The following ZNF652 variants were observed in gnomAD, a reference collection of about 807,000 sequenced individuals.
ZNF652 encodes the protein zinc finger protein 652.
A neutral mutation model predicts 45.2 loss-of-function variants in ZNF652; 16 were observed. That is an observed-to-expected ratio of 0.35 (90% CI 0.24 to 0.54). The LOEUF (loss-of-function observed/expected upper bound fraction) is 0.54, where lower values mean the gene tolerates loss of function less well. Ranked by LOEUF, ZNF652 falls within the 20% of genes least tolerant of loss-of-function variation. The pLI is 0.91. For missense variants in ZNF652, 614 were observed against 765.6 expected (o/e 0.80, Z 2.34); for synonymous variants, 250 against 260.6 (o/e 0.96, Z 0.39).
chr17:49,315,508 C>T (rs534053474), intron 2 of ZNF652, among the ~76,000 whole-genome samples: 11 of 150,382 alleles, frequency 7.3e-5, no homozygotes, highest in Non-Finnish European at 1.5e-4. Flanking sequence ...AGGAAAGTCA[C>T]ACACAAAAAG....
chr17:49,320,884 G>GCT (rs10660011), intron 1 of ZNF652, among the ~76,000 whole-genome samples: 76,058 of 150,948 alleles, frequency 0.5, 19,486 homozygotes, highest in South Asian at 0.65. Flanking sequence ...ACGGAGTCTC[G>GCT]CTGTCACCCA....
intron 1 of ZNF652, among the ~76,000 whole-genome samples, chr17:49,336,941 T>TG (rs2070089658): frequency 1.1e-5 from 1 of 91,614 alleles, no homozygotes; most frequent in Admixed American, 1.2e-4. Context: ...TTCTTAATGG[T>TG]GTTTTTTTTT....
chr17:49,348,459 C>G (rs1303462704), intron 1 of ZNF652, among the ~76,000 whole-genome samples: 1 of 133,134 alleles, frequency 7.5e-6, no homozygotes, highest in Non-Finnish European at 1.5e-5. Flanking sequence ...GGCTGGGTGA[C>G]AGAGCAAGAC....
At position 49,349,462 on chromosome 17, in the gene ZNF652, T is replaced by C. The variant is rs181185451; in HGVS notation, c.-259+12447A>G. ...TGAGTTTGGATGCCATGGTTTGCCATAGCAGGGATTCTTTGCATTGGTAAG... is the reference window on the plus strand; with the variant it reads ...TGAGTTTGGATGCCATGGTTTGCCACAGCAGGGATTCTTTGCATTGGTAAG... On this transcript the variant is annotated intron_variant, in intron 1 of 5. Coordinates refer to ENST00000430262, the MANE Select transcript of ZNF652 (RefSeq NM_001145365.3). Among the ~76,000 whole-genome samples, 269 of 152,312 alleles carry C rather than the reference T, an allele frequency of 1.8e-3. 1 individual carries two copies. The highest frequency in any genetic ancestry group is 5.8e-3 in the African/African-American group (241 of 41,584).
At chr17:49,320,511 T>C (rs1384120896) in intron 1 of ZNF652, among the ~76,000 whole-genome samples, 2 of 152,258 alleles carry the variant, frequency 1.3e-5, no homozygotes, top group South Asian at 2.1e-4. Flanking sequence ...CTATTTCTAC[T>C]ATGACAAATG....
intron 1 of ZNF652, among the ~76,000 whole-genome samples, chr17:49,332,007 G>A (rs2070030397): frequency 6.6e-6 from 1 of 151,516 alleles, no homozygotes; most frequent in African/African-American, 2.4e-5. Context: ...TAAAAGGCTG[G>A]GCATGGTGGC....
Position 49,290,797 on chromosome 17 carries a change from T to C in ZNF652, c.*7616A>G, listed in dbSNP as rs2069396013. ...GACTTTGTAATAAGGGAAAATTTCT[T>C]AAATAATCAAAATACATGAATAAGC... On this transcript the variant is annotated 3_prime_UTR_variant, in exon 6 of 6. Transcript: ENST00000430262. 1 of 152,214 alleles carries C rather than the reference T, an allele frequency of 6.6e-6. No individual in the cohort carries two copies. Among genetic ancestry groups the C allele is most frequent in the Admixed American group, 6.5e-5 (1 of 15,276 alleles). 9.4% of individuals were successfully genotyped at this position (152,214 alleles called of 1,614,324 possible). A position where few individuals can be genotyped will look rare whatever the true frequency, so the allele number is the denominator to read the frequency against.
rs2069738142 is a variant in ZNF652 at position 49,312,962 on chromosome 17, G to A, written c.901-117C>T. 76 of 980,142 alleles carry A rather than the reference G, an allele frequency of 7.8e-5. 2 individuals are homozygous for A. The South Asian group carries it at 1.4e-3, about 18-fold the overall frequency. The allele number at this position is 980,142 out of a possible 1,614,324, so 60.7% of individuals were successfully genotyped here. A position where few individuals can be genotyped will look rare whatever the true frequency, so the allele number is the denominator to read the frequency against. ...TGGCACAAGGCCAGAATCCAGATAA[G>A]TGCTATTCTTCCACAGAGCCCAGAT... On this transcript the variant is annotated intron_variant, in intron 2 of 5. Transcript: ENST00000430262.
chr17:49,298,235 G>A lies in ZNF652; in HGVS notation c.*178C>T. ...CCCTGGTTTAGATGACAGTCCCTCTGTGAGCTCAAGGTAGTCTTCTTGTTC... is the reference window on the plus strand; with the variant it reads ...CCCTGGTTTAGATGACAGTCCCTCTATGAGCTCAAGGTAGTCTTCTTGTTC... On this transcript the variant is annotated 3_prime_UTR_variant, in exon 6 of 6. Coordinates refer to ENST00000430262, the MANE Select transcript of ZNF652 (RefSeq NM_001145365.3). The A allele has an allele frequency of 1.3e-6, 1 of 772,804 alleles. No homozygotes were observed. The highest frequency in any genetic ancestry group is 2.0e-6 in the Non-Finnish European group (1 of 500,894). The allele number at this position is 772,804 out of a possible 1,614,324, so 47.9% of individuals were successfully genotyped here. A position where few individuals can be genotyped will look rare whatever the true frequency, so the allele number is the denominator to read the frequency against.
intron 1 of ZNF652, among the ~76,000 whole-genome samples, chr17:49,334,512 C>T (rs2070059645): frequency 6.6e-6 from 1 of 151,954 alleles, no homozygotes; most frequent in African/African-American, 2.4e-5. Flanking sequence ...GGCATGGTGA[C>T]TTAGGCCTGT....
At chr17:49,326,035 T>C (rs1014515109) in intron 1 of ZNF652, among the ~76,000 whole-genome samples, 2 of 152,052 alleles carry the variant, frequency 1.3e-5, no homozygotes, top group African/African-American at 2.4e-5. Flanking sequence ...CGGAAAAGCA[T>C]ATATGGCAGT....
intron 1 of ZNF652, among the ~76,000 whole-genome samples, chr17:49,338,678 C>G (rs889612405): frequency 2.0e-5 from 3 of 152,062 alleles, no homozygotes; most frequent in Admixed American, 6.6e-5. Context: ...ATAGAAGCAC[C>G]TGATCAAAGG....
In ZNF652 at chr17:49,333,088, C is replaced by T. The variant is rs1453012693; in HGVS notation, c.-258-15105G>A. ...ATTTTTTTTTTTTGAGACAGAGTCTCGCTCTGTCGCCCAGGCTGGAGTGCA... is the reference window on the plus strand; with the variant it reads ...ATTTTTTTTTTTTGAGACAGAGTCTTGCTCTGTCGCCCAGGCTGGAGTGCA... On this transcript the variant is annotated intron_variant, in intron 1 of 5. Transcript: ENST00000430262. Among the ~76,000 whole-genome samples the T allele has an allele frequency of 3.3e-5, 5 of 151,288 alleles. No individual in the cohort carries two copies. In the East Asian group the frequency reaches 6.0e-4, roughly 18 times the overall value.
At chr17:49,356,207 C>G (rs971910792) in intron 1 of ZNF652, among the ~76,000 whole-genome samples, 4 of 151,912 alleles carry the variant, frequency 2.6e-5, no homozygotes, top group Non-Finnish European at 4.4e-5. Context: ...GCAGGTGGAT[C>G]ATAAGGACAG....
chr17:49,350,383 A>G (rs953066676), intron 1 of ZNF652, among the ~76,000 whole-genome samples: 2 of 151,834 alleles, frequency 1.3e-5, no homozygotes, highest in Non-Finnish European at 2.9e-5. Context: ...TACTAAAAAT[A>G]CAAAAATTAC....
In ZNF652 at chr17:49,295,937, C is replaced by CAAAAAAAAAAAAAAAAAAAAAAA. The variant is rs147522359; in HGVS notation, c.*2453_*2475dup. On this transcript the variant is annotated 3_prime_UTR_variant, in exon 6 of 6. Coordinates refer to ENST00000430262, the MANE Select transcript of ZNF652 (RefSeq NM_001145365.3). ...CAGGCAACAGAACAAGACTCTGCCT[C>CAAAAAAAAAAAAAAAAAAAAAAA]AAAAAAAAAAAAAAAAAAAAAAAAA... 2 of 51,256 alleles carry CAAAAAAAAAAAAAAAAAAAAAAA rather than the reference C, an allele frequency of 3.9e-5. No individual in the cohort carries two copies. Among genetic ancestry groups the CAAAAAAAAAAAAAAAAAAAAAAA allele is most frequent in the Non-Finnish European group, 7.3e-5 (2 of 27,550 alleles). 3.2% of individuals were successfully genotyped at this position (51,256 alleles called of 1,614,324 possible). A position where few individuals can be genotyped will look rare whatever the true frequency, so the allele number is the denominator to read the frequency against.
At chr17:49,313,232 T>C (rs2069742810) in intron 2 of ZNF652, among the ~76,000 whole-genome samples, 1 of 152,168 alleles carries the variant, frequency 6.6e-6, no homozygotes, top group South Asian at 2.1e-4. Context: ...CTAGGCTCAC[T>C]GCAACCTCCA....
rs1455110134 is a variant in ZNF652 at position 49,290,044 on chromosome 17, G to C, written c.*8369C>G. 6.6e-6 allele frequency: 1 copy of C among 152,226 alleles called. No homozygotes were observed. The allele number at this position is 152,226 out of a possible 1,614,324, so 9.4% of individuals were successfully genotyped here. A position where few individuals can be genotyped will look rare whatever the true frequency, so the allele number is the denominator to read the frequency against. ...GGAAAACAAAAATAAAAACAAACAA[G>C]TTGCACCTGGCCACTTGCTGCCTAA... On this transcript the variant is annotated 3_prime_UTR_variant, in exon 6 of 6. Coordinates refer to ENST00000430262, the MANE Select transcript of ZNF652 (RefSeq NM_001145365.3).
chr17:49,360,096 G>T (rs1424783963), intron 1 of ZNF652, among the ~76,000 whole-genome samples: 1 of 152,138 alleles, frequency 6.6e-6, no homozygotes, highest in Non-Finnish European at 1.5e-5. Flanking sequence ...AACTTTTTCT[G>T]AAAGACTCTC....
Sources: allele counts gnomAD v4.1 joint callset (sites outside exome capture counted in the v4.1 genomes callset), GRCh38; gene constraint gnomAD v4.1.1; transcripts MANE v1.5; gene names NCBI Gene and HGNC (gene_info 2026-07-23, HGNC 2026-07-21).